The following GLDC variants were observed in gnomAD, a reference collection of about 807,000 sequenced individuals.
The protein encoded by GLDC is glycine decarboxylase.
Under a neutral mutation model 121.3 loss-of-function variants are expected in GLDC, and 104 were observed. That is an observed-to-expected ratio of 0.86 (90% CI 0.73 to 1.01). GLDC has a LOEUF of 1.01. Ranked by LOEUF, GLDC falls within the 50% of genes least tolerant of loss-of-function variation. GLDC has a pLI of 0.00. For synonymous variants in GLDC, 546 were observed against 480.6 expected, an observed-to-expected ratio of 1.14 and a Z score of -1.78; for missense variants, 1,429 against 1,306.6, an observed-to-expected ratio of 1.09 and a Z score of -1.44.
At chr9:6,631,081 T>G (rs1224139528) in intron 2 of GLDC, among the ~76,000 whole-genome samples, 4 of 152,216 alleles carry the variant, frequency 2.6e-5, no homozygotes, top group African/African-American at 4.8e-5. Flanking sequence ...CCAGCAGAGC[T>G]GTGCCACGTG....
chr9:6,612,996 T>C (rs1038454656), intron 3 of GLDC, among the ~76,000 whole-genome samples: 1 of 152,166 alleles, frequency 6.6e-6, no homozygotes, highest in African/African-American at 2.4e-5. Flanking sequence ...ATACAAAACG[T>C]TCTCGTTTTT....
intron 17 of GLDC, chr9:6,558,287 G>C: frequency 1.7e-6 from 1 of 600,208 alleles, no homozygotes; most frequent in East Asian, 2.8e-5. Flanking sequence ...GGAGAGGGAA[G>C]ATTGGGCAGA....
intron 2 of GLDC, among the ~76,000 whole-genome samples, chr9:6,635,798 C>T (rs972155761): frequency 3.3e-5 from 5 of 151,708 alleles, no homozygotes; most frequent in African/African-American, 9.7e-5. Context: ...CTGCCTGAGC[C>T]GGAGAGGTCG....
At chr9:6,542,885 C>CAAAA (rs5896153) in intron 21 of GLDC, among the ~76,000 whole-genome samples, 1 of 61,392 alleles carries the variant, frequency 1.6e-5, no homozygotes, top group Non-Finnish European at 2.9e-5. Flanking sequence ...GACCTTTTCT[C>CAAAA]AAAAAAAAAA....
Position 6,645,426 on chromosome 9 carries a change from C to A in GLDC, c.74G>T (p.Gly25Val). 7.6e-7 allele frequency: 1 copy of A among 1,311,250 alleles called. No individual in the cohort carries two copies. The highest frequency in any genetic ancestry group is 1.5e-5 in the African/African-American group (1 of 64,882). The allele number at this position is 1,311,250 out of a possible 1,614,324, so 81.2% of individuals were successfully genotyped here. ...GVGGGRRLAG[G>V]SGPCWAPRSR... is the part of the protein sequence containing the mutation. ...CCGCGGCGCCCAGCACGGCCCCGATCCCCCAGCCAGGCGGCGGCCGCCCCC... is the reference window on the plus strand; with the variant it reads ...CCGCGGCGCCCAGCACGGCCCCGATACCCCAGCCAGGCGGCGGCCGCCCCC... Residue 25 changes from glycine to valine, a missense_variant, in exon 1 of 25, where the codon GGA becomes GTA. Gly to Val is a moderately radical substitution (Grantham distance 109, BLOSUM62 -3). Coordinates refer to ENST00000321612, the MANE Select transcript of GLDC (RefSeq NM_000170.3).
intron 21 of GLDC, chr9:6,541,800 C>G (rs1263061654): frequency 1.4e-4 from 14 of 102,598 alleles, no homozygotes; most frequent in African/African-American, 5.2e-4. Flanking sequence ...GCACTGCAGC[C>G]TGGGAGACAA....
chr9:6,590,332 T>C (rs1253572255), intron 11 of GLDC, among the ~76,000 whole-genome samples: 1 of 152,170 alleles, frequency 6.6e-6, no homozygotes, highest in Non-Finnish European at 1.5e-5. Flanking sequence ...TCCTCATTCC[T>C]TGCCAGGCTA....
At chr9:6,592,760 T>C in intron 10 of GLDC, 91 bp downstream of exon 10, 1 of 1,316,480 alleles carries the variant, frequency 7.6e-7, no homozygotes, top group Non-Finnish European at 1.1e-6. Context: ...AAGTTTTCCT[T>C]TTTATTTTTT....
intron 16 of GLDC, 76 bp downstream of exon 16, chr9:6,565,278 G>C (rs757350939): frequency 6.0e-6 from 6 of 996,620 alleles, no homozygotes; most frequent in East Asian, 2.4e-5. Context: ...TGGAGGGAGT[G>C]TCCCACAGAA....
At chr9:6,574,812 G>A (rs1022087213) in intron 15 of GLDC, among the ~76,000 whole-genome samples, 1 of 152,070 alleles carries the variant, frequency 6.6e-6, no homozygotes, top group African/African-American at 2.4e-5. Context: ...ACTAGGCTCG[G>A]TGGAAAACTT....
At chr9:6,591,637 T>G (rs538329707) in intron 11 of GLDC, among the ~76,000 whole-genome samples, 1 of 152,242 alleles carries the variant, frequency 6.6e-6, no homozygotes, top group East Asian at 1.9e-4. Flanking sequence ...CAGGCTAGAG[T>G]GCAATGGCGC....
rs200680938 is a variant in GLDC at position 6,536,060 on chromosome 9, G to T, written c.2838+4C>A. 1.9e-6 allele frequency: 3 copies of T among 1,610,586 alleles called. No individual in the cohort carries two copies. The highest frequency in any genetic ancestry group is 1.3e-5 in the African/African-American group (1 of 74,950). ...TTTCAAGCAATGTTCCAGGGCCTACGCACCTTCAGCGGATTGACCCTGGGG... is the reference window on the plus strand; with the variant it reads ...TTTCAAGCAATGTTCCAGGGCCTACTCACCTTCAGCGGATTGACCCTGGGG... On this transcript the variant is annotated splice_donor_region_variant and intron_variant, in intron 23 of 24. Transcript: ENST00000321612.
intron 3 of GLDC, among the ~76,000 whole-genome samples, chr9:6,612,046 C>G (rs1818867348): frequency 1.3e-5 from 2 of 151,936 alleles, no homozygotes; most frequent in Non-Finnish European, 2.9e-5. Context: ...TCAGATTTCC[C>G]TTTCTATTTG....
chr9:6,561,013 G>A lies in GLDC; in HGVS notation c.1927-2329C>T, dbSNP rs534949725. Among the ~76,000 whole-genome samples the A allele has an allele frequency of 6.2e-4, 94 of 152,342 alleles. 2 individuals carry two copies. In the South Asian group the frequency reaches 0.019, roughly 32 times the overall value. On this transcript the variant is annotated intron_variant, in intron 16 of 24. Transcript: ENST00000321612. ...CAAGGAACGCAGGAGGCCTGCAGAT[G>A]CCAGGAAAGGTAAGGAAACAGATTC...
intron 2 of GLDC, among the ~76,000 whole-genome samples, chr9:6,644,062 AGAAAAGAAAAG>A: frequency 6.7e-6 from 1 of 149,196 alleles, no homozygotes; most frequent in East Asian, 2.0e-4. Flanking sequence ...GAAAAAAAAA[AGAAAAGAAAAG>A]AAAAACCATT....
At chr9:6,577,125 C>T (rs1818079890) in intron 15 of GLDC, among the ~76,000 whole-genome samples, 1 of 152,196 alleles carries the variant, frequency 6.6e-6, no homozygotes, top group Non-Finnish European at 1.5e-5. Flanking sequence ...GAGAAGACAG[C>T]GCGGAAAGGC....
In GLDC at chr9:6,532,961, A is replaced by C; in HGVS notation, c.*56T>G. 7.8e-7 allele frequency: 1 copy of C among 1,281,326 alleles called. No homozygotes were observed. Among genetic ancestry groups the C allele is most frequent in the Non-Finnish European group, 1.1e-6 (1 of 878,764 alleles). The allele number at this position is 1,281,326 out of a possible 1,614,324, so 79.4% of individuals were successfully genotyped here. On this transcript the variant is annotated 3_prime_UTR_variant, in exon 25 of 25. Transcript: ENST00000321612. Reference sequence around the variant, plus strand: ...GTGGGAGATGAAATCTTTCTTGCTTATCAAATGCTCTGGGGAGAGGCATCA... The same window carrying C: ...GTGGGAGATGAAATCTTTCTTGCTTCTCAAATGCTCTGGGGAGAGGCATCA...
chr9:6,588,962 C>T (rs1336694964), intron 12 of GLDC, among the ~76,000 whole-genome samples: 1 of 152,160 alleles, frequency 6.6e-6, no homozygotes, highest in Non-Finnish European at 1.5e-5. Context: ...TGAACTTCAG[C>T]CTGGCAATTA....
intron 3 of GLDC, among the ~76,000 whole-genome samples, chr9:6,619,440 C>A (rs1819036254): frequency 6.6e-6 from 1 of 151,836 alleles, no homozygotes; most frequent in Admixed American, 6.6e-5. Flanking sequence ...AAAATCCTGA[C>A]AGAAGGGCCA....
Sources: gnomAD v4.1 joint callset for allele counts (sites outside exome capture counted in the v4.1 genomes callset) on GRCh38, gnomAD v4.1.1 for gene constraint, MANE v1.5 for transcripts, NCBI Gene and HGNC (gene_info 2026-07-23, HGNC 2026-07-21) for gene names.